The following NDST3 variants were observed in gnomAD, a reference collection of about 807,000 sequenced individuals.
The protein encoded by NDST3 is N-deacetylase and N-sulfotransferase 3, also known as bifunctional heparan sulfate N-deacetylase/N-sulfotransferase 3.
NDST3 carries 58 observed loss-of-function variants against 96.1 expected under a neutral mutation model. The ratio of observed to expected loss-of-function variants is 0.60; its 90% CI spans 0.49 to 0.75. The LOEUF is 0.75. NDST3 is among the 30% of genes least tolerant of loss of function. The probability of loss-of-function intolerance (pLI) is 0.00; values close to 1 mark genes in which losing one functional copy is unlikely to be tolerated. For missense variants in NDST3, 788 were observed against 1,034.2 expected (o/e 0.76, Z 3.27); for synonymous variants, 333 against 359.7 (o/e 0.93, Z 0.84).
chr4:118,050,103 T>A (rs1373893589), intron 1 of NDST3, among the ~76,000 whole-genome samples: 1 of 152,136 alleles, frequency 6.6e-6, no homozygotes, highest in Non-Finnish European at 1.5e-5. Context: ...AAATGTCATT[T>A]ACCACATAAA....
At chr4:118,172,691 T>A (rs1447278988) in intron 6 of NDST3, among the ~76,000 whole-genome samples, 1 of 152,184 alleles carries the variant, frequency 6.6e-6, no homozygotes, top group African/African-American at 2.4e-5. Flanking sequence ...TCACTTTTTC[T>A]AACAAGAAGG....
chr4:118,061,213 TTC>T (rs1725867702), intron 2 of NDST3, among the ~76,000 whole-genome samples: 1 of 152,170 alleles, frequency 6.6e-6, no homozygotes, highest in Admixed American at 6.6e-5. Context: ...GCACTTGCTG[TTC>T]TTTCTCCCTA....
At chr4:118,070,685 A>C (rs1465400095) in intron 2 of NDST3, among the ~76,000 whole-genome samples, 1 of 149,270 alleles carries the variant, frequency 6.7e-6, no homozygotes, top group Non-Finnish European at 1.5e-5. Context: ...TCTAGGGTAC[A>C]TGTGCACAAT....
At chr4:118,247,413 G>A (rs972156226) in intron 12 of NDST3, among the ~76,000 whole-genome samples, 6 of 152,178 alleles carry the variant, frequency 3.9e-5, no homozygotes, top group South Asian at 2.1e-4. Context: ...TTAGCTGGGC[G>A]TGGTGGCGCA....
At position 118,237,210 on chromosome 4, in the gene NDST3, C is replaced by A; in HGVS notation, c.2108C>A (p.Ser703Tyr). ...ILIDPSDRAY[S>Y]WYQHQRSHED... Reference sequence around the variant, plus strand: ...ATTGACCCTTCAGACCGAGCATACTCCTGGTACCAGGTAAGGAAAATGCAA... The same window carrying A: ...ATTGACCCTTCAGACCGAGCATACTACTGGTACCAGGTAAGGAAAATGCAA... The change falls in exon 10 of 14, where the codon TCC becomes TAC. Residue 703 changes from serine (S) to tyrosine (Y), a missense_variant. Ser to Tyr is a moderately radical substitution (Grantham distance 144). Coordinates refer to ENST00000296499, the MANE Select transcript of NDST3 (RefSeq NM_004784.3). 1 of 1,606,186 alleles carries A rather than the reference C, an allele frequency of 6.2e-7. No individual in the cohort carries two copies. The highest frequency in any genetic ancestry group is 8.5e-7 in the Non-Finnish European group (1 of 1,176,546).
At chr4:118,098,774 C>A (rs1488811379) in intron 2 of NDST3, among the ~76,000 whole-genome samples, 3 of 151,908 alleles carry the variant, frequency 2.0e-5, no homozygotes, top group African/African-American at 7.3e-5. Flanking sequence ...GAAAAAATAC[C>A]AAGAAGGGTT....
rs970324189 is a variant in NDST3 at position 118,253,070 on chromosome 4, G to C, written c.2400-429G>C. ...TTTTCTCTTCTATTACCTTCTAGTT[G>C]TATGATACAAGTAGCATCTAAATCC... On this transcript the variant is annotated intron_variant, in intron 12 of 13. Transcript: ENST00000296499. Among the ~76,000 whole-genome samples, 6 of 152,106 alleles carry C rather than the reference G, an allele frequency of 3.9e-5. No homozygotes were observed. The South Asian group carries it at 1.2e-3, about 31-fold the overall frequency.
chr4:118,193,628 T>G (rs1260622610), intron 6 of NDST3: 1 of 1,274,742 alleles, frequency 7.8e-7, no homozygotes, highest in Non-Finnish European at 1.1e-6. Flanking sequence ...GGCTTCGTTG[T>G]TGGGGTAGAG....
At chr4:118,148,716 G>C (rs998672631) in intron 6 of NDST3, among the ~76,000 whole-genome samples, 2 of 152,108 alleles carry the variant, frequency 1.3e-5, no homozygotes, top group Non-Finnish European at 2.9e-5. Flanking sequence ...TTTTATATGT[G>C]TATGTGCTTT....
chr4:118,245,725 T>C (rs1425419716), intron 12 of NDST3, among the ~76,000 whole-genome samples: 1 of 152,168 alleles, frequency 6.6e-6, no homozygotes, highest in Non-Finnish European at 1.5e-5. Context: ...TCTAATTTCT[T>C]ATTATAAATT....
chr4:118,132,958 CTT>C (rs1732759452), intron 4 of NDST3, among the ~76,000 whole-genome samples: 1 of 152,214 alleles, frequency 6.6e-6, no homozygotes, highest in African/African-American at 2.4e-5. Flanking sequence ...CCTCTTTACT[CTT>C]TGCTCTCCTC....
At chr4:118,116,029 A>G (rs1018034809) in intron 4 of NDST3, among the ~76,000 whole-genome samples, 1 of 106,026 alleles carries the variant, frequency 9.4e-6, no homozygotes, top group African/African-American at 2.5e-5. Flanking sequence ...TGGTATATGC[A>G]AACTGCTGTG....
intron 12 of NDST3, among the ~76,000 whole-genome samples, chr4:118,242,684 T>C (rs888676091): frequency 6.6e-6 from 1 of 152,242 alleles, no homozygotes; most frequent in South Asian, 2.1e-4. Flanking sequence ...TATTTGACCC[T>C]GTCATCTCTG....
At chr4:118,217,438 C>A (rs1189372862) in intron 6 of NDST3, among the ~76,000 whole-genome samples, 3 of 152,074 alleles carry the variant, frequency 2.0e-5, no homozygotes, top group Admixed American at 6.6e-5. Context: ...TTAGAATATC[C>A]TTTCTGCTCA....
chr4:118,172,116 T>C (rs1735992198), intron 6 of NDST3, among the ~76,000 whole-genome samples: 1 of 152,226 alleles, frequency 6.6e-6, no homozygotes, highest in African/African-American at 2.4e-5. Flanking sequence ...TCATTGCAGT[T>C]GGCATCAGTA....
At chr4:118,152,070 A>G (rs1249876016) in intron 6 of NDST3, among the ~76,000 whole-genome samples, 1 of 152,210 alleles carries the variant, frequency 6.6e-6, no homozygotes, top group Non-Finnish European at 1.5e-5. Context: ...TTTGTTAAGG[A>G]AAAGAAATTA....
intron 6 of NDST3, among the ~76,000 whole-genome samples, chr4:118,199,011 A>G (rs1408966138): frequency 6.6e-6 from 1 of 152,052 alleles, no homozygotes; most frequent in Admixed American, 6.6e-5. Flanking sequence ...AAGTTGAATT[A>G]CCAGATGCCT....
At chr4:118,041,357 T>C (rs1724453948) in intron 1 of NDST3, among the ~76,000 whole-genome samples, 1 of 152,208 alleles carries the variant, frequency 6.6e-6, no homozygotes, top group East Asian at 1.9e-4. Flanking sequence ...TGCATTACTA[T>C]TGTTATTCTA....
intron 2 of NDST3, among the ~76,000 whole-genome samples, chr4:118,094,346 T>G (rs1729124075): frequency 6.6e-6 from 1 of 151,884 alleles, no homozygotes; most frequent in African/African-American, 2.4e-5. Flanking sequence ...ACTTATAATC[T>G]ATGGTATAAT....
Sources: allele counts gnomAD v4.1 joint callset (sites outside exome capture counted in the v4.1 genomes callset), GRCh38; gene constraint gnomAD v4.1.1; transcripts MANE v1.5; gene names NCBI Gene and HGNC (gene_info 2026-07-23, HGNC 2026-07-21).